The following STYX variants were observed in gnomAD, a reference collection of about 807,000 sequenced individuals.
STYX encodes the protein serine/threonine/tyrosine interacting protein.
A neutral mutation model predicts 42.7 loss-of-function variants in STYX; 20 were observed. That is an observed-to-expected ratio of 0.47 (90% CI 0.33 to 0.68). The LOEUF (loss-of-function observed/expected upper bound fraction) is 0.68. Among genes scored for constraint, STYX ranks in the 30% least tolerant of loss-of-function variants. STYX has a pLI of 0.02. For synonymous variants in STYX, 78 were observed against 81.9 expected, an observed-to-expected ratio of 0.95 and a Z score of 0.26; for missense variants, 226 against 268.5, an observed-to-expected ratio of 0.84 and a Z score of 1.11.
chr14:52,764,259 G>A (rs553837193), intron 9 of STYX, among the ~76,000 whole-genome samples: 28 of 152,264 alleles, frequency 1.8e-4, no homozygotes, highest in Non-Finnish European at 3.5e-4. Flanking sequence ...CCAAAGTGCT[G>A]GGATTACAGG....
intron 9 of STYX, among the ~76,000 whole-genome samples, chr14:52,762,887 T>C (rs1263540348): frequency 2.3e-5 from 3 of 128,074 alleles, no homozygotes; most frequent in East Asian, 2.2e-4. Context: ...TCTTTCTTTT[T>C]TTTTTTTTTT....
intron 3 of STYX, among the ~76,000 whole-genome samples, chr14:52,747,628 C>G (rs1381806757): frequency 6.6e-6 from 1 of 152,198 alleles, no homozygotes; most frequent in Non-Finnish European, 1.5e-5. Context: ...TCACCAAGTA[C>G]TAGTCTTCCA....
chr14:52,764,537 CTAT>C (rs1882224191), intron 9 of STYX, among the ~76,000 whole-genome samples: 2 of 151,526 alleles, frequency 1.3e-5, no homozygotes, highest in Non-Finnish European at 2.9e-5. Context: ...ACAATCTTAT[CTAT>C]TATTATTTCA....
intron 1 of STYX, among the ~76,000 whole-genome samples, chr14:52,742,331 C>T (rs375986927): frequency 6.6e-6 from 1 of 152,128 alleles, no homozygotes; most frequent in African/African-American, 2.4e-5. Context: ...GATCTGAGTT[C>T]GACTTTGAGC....
chr14:52,733,758 A>G (rs1880830681), intron 1 of STYX, among the ~76,000 whole-genome samples: 1 of 152,200 alleles, frequency 6.6e-6, no homozygotes, highest in African/African-American at 2.4e-5. Context: ...CATGATTGCA[A>G]GCTGTCCAGG....
At chr14:52,757,945 C>G (rs371541905) in intron 8 of STYX, 21 bp downstream of exon 8, 1 of 1,607,472 alleles carries the variant, frequency 6.2e-7, no homozygotes, top group Non-Finnish European at 8.5e-7. Context: ...ACCCTAAAAC[C>G]TAGCCACAGT....
chr14:52,751,711 A>G (rs1295154156), intron 4 of STYX, among the ~76,000 whole-genome samples: 2 of 152,152 alleles, frequency 1.3e-5, no homozygotes, highest in African/African-American at 4.8e-5. Flanking sequence ...TTTTAACTTC[A>G]TTTTTAAAAT....
chr14:52,750,787 A>G lies in STYX; in HGVS notation c.242+7A>G, dbSNP rs1319195576. 6.6e-7 allele frequency: 1 copy of G among 1,512,572 alleles called. No individual in the cohort carries two copies. The allele number at this position is 1,512,572 out of a possible 1,614,324, so 93.7% of individuals were successfully genotyped here. On this transcript the variant is annotated splice_region_variant and intron_variant, in intron 4 of 10. Transcript: ENST00000354586. ...ACTTTCAGCAGTTATTTAGGTAAGA[A>G]TTATTGCTATGATTTGTAAAACACT... is the stretch of plus-strand genomic sequence containing the variant.
At chr14:52,752,468 A>AT (rs1490837995) in intron 4 of STYX, among the ~76,000 whole-genome samples, 2 of 152,122 alleles carry the variant, frequency 1.3e-5, no homozygotes, top group Non-Finnish European at 2.9e-5. Context: ...TGTCTCAAAA[A>AT]TAAAAAAAAA....
intron 1 of STYX, among the ~76,000 whole-genome samples, chr14:52,732,284 T>G (rs1880756770): frequency 6.8e-6 from 1 of 146,398 alleles, no homozygotes; most frequent in Admixed American, 6.8e-5. Flanking sequence ...TTTTTTTTTT[T>G]GAGACAGAGT....
intron 1 of STYX, chr14:52,731,811 CTT>C (rs972024772): frequency 6.6e-6 from 1 of 151,956 alleles, no homozygotes; most frequent in Non-Finnish European, 1.5e-5. Flanking sequence ...AGAGTAGAGA[CTT>C]TGTTTGTGAC....
intron 9 of STYX, among the ~76,000 whole-genome samples, chr14:52,766,087 C>T (rs1338563169): frequency 6.6e-6 from 1 of 152,152 alleles, no homozygotes; most frequent in Non-Finnish European, 1.5e-5. Flanking sequence ...GCCTTGACCT[C>T]CTGGGCTCAA....
At chr14:52,753,859 C>A in intron 4 of STYX, among the ~76,000 whole-genome samples, 1 of 134,760 alleles carries the variant, frequency 7.4e-6, no homozygotes, top group South Asian at 2.5e-4. Flanking sequence ...TTTATTAAAA[C>A]TAGTTATTAA....
chr14:52,735,658 C>G (rs1463138565), intron 1 of STYX, among the ~76,000 whole-genome samples: 10 of 152,150 alleles, frequency 6.6e-5, no homozygotes, highest in Admixed American at 2.6e-4. Flanking sequence ...GAGTGATCAG[C>G]CAGCATTGTT....
chr14:52,765,616 C>T (rs535820553), intron 9 of STYX, among the ~76,000 whole-genome samples: 42 of 152,300 alleles, frequency 2.8e-4, no homozygotes, highest in African/African-American at 9.1e-4. Context: ...GATCAGCAGT[C>T]TCCAACCTTT....
chr14:52,752,806 G>A (rs942227427), intron 4 of STYX, among the ~76,000 whole-genome samples: 3 of 151,536 alleles, frequency 2.0e-5, no homozygotes, highest in Non-Finnish European at 2.9e-5. Flanking sequence ...CTTCTAAGAA[G>A]GAAAATTCAG....
chr14:52,752,257 G>C (rs572991344), intron 4 of STYX, among the ~76,000 whole-genome samples: 1 of 151,420 alleles, frequency 6.6e-6, no homozygotes, highest in Non-Finnish European at 1.5e-5. Flanking sequence ...TCACGAGGTC[G>C]AGATTGAGAC....
chr14:52,762,839 G>T (rs1427666322), intron 9 of STYX, among the ~76,000 whole-genome samples: 2 of 126,328 alleles, frequency 1.6e-5, no homozygotes, highest in African/African-American at 2.9e-5. Flanking sequence ...TTCATTTGGT[G>T]TATCGGTTTG....
intron 4 of STYX, among the ~76,000 whole-genome samples, chr14:52,752,574 A>G (rs1370342160): frequency 6.6e-6 from 1 of 152,220 alleles, no homozygotes; most frequent in Non-Finnish European, 1.5e-5. Context: ...TGAACATATA[A>G]TAGAATACTA....
Sources: gnomAD v4.1 joint callset for allele counts (sites outside exome capture counted in the v4.1 genomes callset) on GRCh38, gnomAD v4.1.1 for gene constraint, MANE v1.5 for transcripts, NCBI Gene and HGNC (gene_info 2026-07-23, HGNC 2026-07-21) for gene names.